PTPRD: variants seen among roughly 807,000 people sequenced by gnomAD.
PTPRD encodes the protein protein tyrosine phosphatase receptor type D.
Under a neutral mutation model 214.5 loss-of-function variants are expected in PTPRD, and 34 were observed. The ratio of observed to expected loss-of-function variants is 0.16; its 90% CI spans 0.12 to 0.21. The LOEUF (loss-of-function observed/expected upper bound fraction) is 0.21. PTPRD is among the 10% of genes least tolerant of loss of function. The pLI, the probability that PTPRD is intolerant of heterozygous loss-of-function variation, is 1.00. For missense variants in PTPRD, 2,545 were observed against 2,398.7 expected (o/e 1.06, Z -1.27); for synonymous variants, 1,128 against 845.7 (o/e 1.33, Z -5.79).
intron 11 of PTPRD, among the ~76,000 whole-genome samples, chr9:8,877,323 G>A (rs2098402787): frequency 6.6e-6 from 1 of 152,264 alleles, no homozygotes; most frequent in Admixed American, 6.5e-5. Context: ...CCAGGGTAAT[G>A]TCTATGTCAA....
intron 3 of PTPRD, among the ~76,000 whole-genome samples, chr9:10,327,423 C>G (rs1048291676): frequency 1.3e-5 from 2 of 151,406 alleles, no homozygotes; most frequent in Admixed American, 6.6e-5. Flanking sequence ...TTATCTATCA[C>G]TTCCCAATAA....
At chr9:10,534,772 A>G (rs1272046233) in intron 2 of PTPRD, among the ~76,000 whole-genome samples, 1 of 152,204 alleles carries the variant, frequency 6.6e-6, no homozygotes, top group Non-Finnish European at 1.5e-5. Context: ...TTCTGCTTCA[A>G]TTTGAGAGGC....
intron 7 of PTPRD, among the ~76,000 whole-genome samples, chr9:9,680,300 C>T (rs2097038774): frequency 6.6e-6 from 1 of 151,728 alleles, no homozygotes; most frequent in Non-Finnish European, 1.5e-5. Flanking sequence ...GCTGGGACTC[C>T]AGTGAATCTA....
At chr9:9,515,857 A>T (rs2154249872) in intron 8 of PTPRD, among the ~76,000 whole-genome samples, 1 of 152,166 alleles carries the variant, frequency 6.6e-6, no homozygotes, top group Admixed American at 6.5e-5. Context: ...TAATTAAGCA[A>T]TAAAAAAGAA....
At chr9:9,472,203 T>C (rs1467701882) in intron 8 of PTPRD, among the ~76,000 whole-genome samples, 2 of 97,612 alleles carry the variant, frequency 2.0e-5, no homozygotes, top group Non-Finnish European at 4.6e-5. Flanking sequence ...TTTTTTTTTT[T>C]TTTCTTTTTT....
chr9:9,522,304 G>A (rs1015188897), intron 8 of PTPRD, among the ~76,000 whole-genome samples: 1 of 151,942 alleles, frequency 6.6e-6, no homozygotes, highest in African/African-American at 2.4e-5. Flanking sequence ...TTACCTAAAG[G>A]TAAAGTTTCA....
rs778379146 is a variant in PTPRD at position 8,436,701 on chromosome 9, A to C, written c.3989-12T>G. ...ATGGCTAGCCATACCTATTGAAAAA[A>C]GCAAAGAAGAAACACATTTGAAAAC... is the stretch of plus-strand genomic sequence containing the variant. On this transcript the variant is annotated splice_polypyrimidine_tract_variant and intron_variant, in intron 34 of 45. Transcript: ENST00000381196. The C allele has an allele frequency of 4.4e-6, 7 of 1,591,772 alleles. No individual in the cohort carries two copies. Among genetic ancestry groups the C allele is most frequent in the South Asian group, 2.2e-5 (2 of 90,356 alleles).
At chr9:8,936,358 A>C (rs1352075490) in intron 11 of PTPRD, among the ~76,000 whole-genome samples, 2 of 131,794 alleles carry the variant, frequency 1.5e-5, no homozygotes, top group Non-Finnish European at 3.1e-5. Flanking sequence ...TGGGAGGCAG[A>C]GGTTGCGGCA....
intron 7 of PTPRD, among the ~76,000 whole-genome samples, chr9:9,583,103 T>C (rs570191058): frequency 6.6e-6 from 1 of 152,178 alleles, no homozygotes; most frequent in South Asian, 2.1e-4. Context: ...CCTCACTGAA[T>C]GAATATCTGT....
At chr9:10,105,188 A>G (rs1309849343) in intron 3 of PTPRD, among the ~76,000 whole-genome samples, 2 of 151,734 alleles carry the variant, frequency 1.3e-5, no homozygotes, top group African/African-American at 4.8e-5. Flanking sequence ...TCTAATGGCT[A>G]CTAAAGTACT....
chr9:9,659,738 A>G (rs1353943972), intron 7 of PTPRD, among the ~76,000 whole-genome samples: 2 of 152,096 alleles, frequency 1.3e-5, no homozygotes, highest in African/African-American at 2.4e-5. Context: ...TTGCATTCCT[A>G]AAAGGTGATT....
At chr9:8,898,373 G>A (rs1462584739) in intron 11 of PTPRD, among the ~76,000 whole-genome samples, 2 of 152,094 alleles carry the variant, frequency 1.3e-5, no homozygotes, top group African/African-American at 4.8e-5. Flanking sequence ...TGGTGATGGT[G>A]GCAGAGGAAA....
intron 14 of PTPRD, among the ~76,000 whole-genome samples, chr9:8,546,911 TA>T (rs1188936965): frequency 6.6e-6 from 1 of 152,248 alleles, no homozygotes; most frequent in Non-Finnish European, 1.5e-5. Flanking sequence ...GATTTGGAGC[TA>T]AAATTGTGGT....
chr9:9,399,076 A>G (rs1196558499), intron 8 of PTPRD, among the ~76,000 whole-genome samples: 1 of 151,898 alleles, frequency 6.6e-6, no homozygotes, highest in African/African-American at 2.4e-5. Flanking sequence ...TACTCGTATT[A>G]AGGTTTTCTG....
At chr9:10,560,412 G>A (rs1424533134) in intron 2 of PTPRD, among the ~76,000 whole-genome samples, 2 of 151,824 alleles carry the variant, frequency 1.3e-5, no homozygotes, top group Non-Finnish European at 2.9e-5. Context: ...CAGTTGTGGG[G>A]TGGGGGGAGT....
At chr9:8,443,163 T>G (rs1387074082) in intron 34 of PTPRD, among the ~76,000 whole-genome samples, 3 of 152,200 alleles carry the variant, frequency 2.0e-5, no homozygotes, top group Non-Finnish European at 4.4e-5. Flanking sequence ...TTAAAAAATT[T>G]TTGTAAAATT....
intron 5 of PTPRD, among the ~76,000 whole-genome samples, chr9:9,769,241 G>A (rs900395627): frequency 2.7e-5 from 4 of 147,398 alleles, no homozygotes; most frequent in African/African-American, 7.5e-5. Flanking sequence ...TTAACCAGAA[G>A]CCCTTTTATA....
At chr9:9,608,034 T>C (rs1163520622) in intron 7 of PTPRD, among the ~76,000 whole-genome samples, 2 of 152,196 alleles carry the variant, frequency 1.3e-5, no homozygotes, top group Admixed American at 6.5e-5. Flanking sequence ...CACTGCTTAC[T>C]AGGCAAAACA....
At chr9:9,234,008 T>C (rs868851600) in intron 9 of PTPRD, among the ~76,000 whole-genome samples, 1 of 152,154 alleles carries the variant, frequency 6.6e-6, no homozygotes, top group Non-Finnish European at 1.5e-5. Flanking sequence ...CACTAGGTAG[T>C]GCCCCGGTGG....
Sources: allele counts gnomAD v4.1 joint callset (sites outside exome capture counted in the v4.1 genomes callset), GRCh38; gene constraint gnomAD v4.1.1; transcripts MANE v1.5; gene names NCBI Gene and HGNC (gene_info 2026-07-23, HGNC 2026-07-21).